Variants in MGAM observed in about 807,000 individuals in gnomAD.
MGAM encodes maltase-glucoamylase, also known as alpha-1,4-glucosidase.
A neutral mutation model predicts 358.8 loss-of-function variants in MGAM; 253 were observed. The ratio of observed to expected loss-of-function variants is 0.71; its 90% CI spans 0.64 to 0.78. The LOEUF (loss-of-function observed/expected upper bound fraction) is 0.78, where lower values mean the gene tolerates loss of function less well. MGAM is among the 30% of genes least tolerant of loss of function. The pLI, the probability that MGAM is intolerant of heterozygous loss-of-function variation, is 0.00. For missense variants in MGAM, 3,080 were observed against 3,432.6 expected, an observed-to-expected ratio of 0.90 and a Z score of 2.57; for synonymous variants, 1,105 against 1,227.1, an observed-to-expected ratio of 0.90 and a Z score of 2.08.
At chr7:142,047,743 C>T (rs1375392529) in intron 21 of MGAM, 42 bp from the exon 22 acceptor site, 5 of 1,564,150 alleles carry the variant, frequency 3.2e-6, no homozygotes, top group African/African-American at 1.4e-5. Flanking sequence ...TGGCAAAATT[C>T]TCTGACTCCT....
At chr7:142,087,523 C>A (rs865815804) in intron 57 of MGAM, among the ~76,000 whole-genome samples, 2 of 146,084 alleles carry the variant, frequency 1.4e-5, no homozygotes, top group Admixed American at 6.9e-5. Context: ...ATTCTTAGTG[C>A]GGGTCCAAGG....
chr7:142,070,551 AG>A (rs1408674990), intron 43 of MGAM, among the ~76,000 whole-genome samples: 1 of 146,158 alleles, frequency 6.8e-6, no homozygotes, highest in Non-Finnish European at 1.5e-5. Context: ...GCTGGGGGTG[AG>A]GAGGCTATGC....
rs1815915510 is a variant in MGAM at position 142,096,424 on chromosome 7, G to A, written c.7692+9G>A. ...GCCCTGTCCTGGAGCGTGTGAGTAT[G>A]GAGGCCTCCGATGAGGGGAGGATCC... is the stretch of plus-strand genomic sequence containing the variant. On this transcript the variant is annotated intron_variant, in intron 65 of 70. Transcript: ENST00000475668. 6.2e-7 allele frequency: 1 copy of A among 1,613,698 alleles called. No homozygotes were observed. The highest frequency in any genetic ancestry group is 8.5e-7 in the Non-Finnish European group (1 of 1,179,674).
At position 142,093,443 on chromosome 7, in the gene MGAM, C is replaced by T. The variant is rs1372163327; in HGVS notation, c.7065C>T (p.Ser2355=). 1 of 1,537,864 alleles carries T rather than the reference C, an allele frequency of 6.5e-7. No homozygotes were observed. The highest frequency in any genetic ancestry group is 2.3e-5 in the East Asian group (1 of 43,064). ...YLESRDRGLS[S]KTLCMESQQI... is the part of the protein sequence containing the mutation. ...AGTCCAGGGACAGGGGCCTGAGCAGCAAGACCCTGTGCATGGAGAGTCAGC... is the reference window on the plus strand; with the variant it reads ...AGTCCAGGGACAGGGGCCTGAGCAGTAAGACCCTGTGCATGGAGAGTCAGC... Residue 2355 remains serine, a synonymous_variant, in exon 60 of 71, where the codon AGC becomes AGT. Transcript: ENST00000475668.
rs187211728 is a variant in MGAM at position 142,106,025 on chromosome 7, A to G, written c.*134A>G. ...GAAATATTTCTGTTAATTTTGTTAT[A>G]TGTTTTTTGTGTGAACCCTAAAGGT... On this transcript the variant is annotated 3_prime_UTR_variant, in exon 71 of 71. Coordinates refer to ENST00000475668, the MANE Select transcript of MGAM (RefSeq NM_001365693.1). 1.4e-6 allele frequency: 1 copy of G among 739,432 alleles called. No homozygotes were observed. Among genetic ancestry groups the G allele is most frequent in the East Asian group, 2.8e-5 (1 of 35,136 alleles). The allele number at this position is 739,432 out of a possible 1,614,324, so 45.8% of individuals were successfully genotyped here.
At chr7:142,056,339 T>C (rs1811534245) in intron 29 of MGAM, among the ~76,000 whole-genome samples, 1 of 152,074 alleles carries the variant, frequency 6.6e-6, no homozygotes, top group Non-Finnish European at 1.5e-5. Context: ...ACCACATGGG[T>C]CCCAAATATC....
Position 142,019,253 on chromosome 7 carries a change from C to T in MGAM, c.382C>T (p.Pro128Ser), listed in dbSNP as rs1216348444. 1 of 1,613,502 alleles carries T rather than the reference C, an allele frequency of 6.2e-7. No individual in the cohort carries two copies. The highest frequency in any genetic ancestry group is 8.5e-7 in the Non-Finnish European group (1 of 1,179,682). ...CWNPQGAVSV[P>S]WCYYSKNHSY... ...GAATCCCCAGGGAGCTGTAAGTGTT[C>T]CCTGGTGCTACTATTCCAAGAATCA... The change falls in exon 4 of 71, where the codon CCC becomes TCC. Residue 128 changes from proline (P) to serine (S), a missense_variant. Coordinates refer to ENST00000475668, the MANE Select transcript of MGAM (RefSeq NM_001365693.1).
intron 1 of MGAM, among the ~76,000 whole-genome samples, chr7:141,997,017 TAAAACTTA>T (rs1482984348): frequency 6.6e-6 from 1 of 151,052 alleles, no homozygotes; most frequent in Non-Finnish European, 1.5e-5. Context: ...AAACTTAAAA[TAAAACTTA>T]AAAAAAGTTG....
chr7:142,068,804 C>A, intron 43 of MGAM, 101 bp downstream of exon 43: 1 of 1,026,890 alleles, frequency 9.7e-7, no homozygotes. Context: ...CTGTAACCCA[C>A]CTGCTGTGTG....
At chr7:142,061,491 A>G (rs899517980) in intron 34 of MGAM, among the ~76,000 whole-genome samples, 15 of 152,156 alleles carry the variant, frequency 9.9e-5, no homozygotes, top group East Asian at 9.7e-4. Flanking sequence ...CCAGACCCAT[A>G]TAGGCTGATC....
intron 22 of MGAM, 129 bp from the exon 23 acceptor site, chr7:142,050,106 A>T: frequency 1.3e-6 from 1 of 786,950 alleles, no homozygotes; most frequent in African/African-American, 1.7e-5. Flanking sequence ...ATTGAAAATT[A>T]TTCATCCATA....
intron 34 of MGAM, among the ~76,000 whole-genome samples, chr7:142,061,238 C>A (rs114976263): frequency 6.6e-6 from 1 of 152,098 alleles, no homozygotes; most frequent in East Asian, 1.9e-4. Context: ...ACGTGTACCC[C>A]GTATGGGATA....
Position 142,025,161 on chromosome 7 carries a change from T to G in MGAM, c.982+12T>G. ...CAGCAATGCCATGGGTAAAGGAATA[T>G]TCATGGAAAAAACAAGCACAAGAGT... is the stretch of plus-strand genomic sequence containing the variant. On this transcript the variant is annotated intron_variant, in intron 8 of 70. Coordinates refer to ENST00000475668, the MANE Select transcript of MGAM (RefSeq NM_001365693.1). 1 of 1,574,294 alleles carries G rather than the reference T, an allele frequency of 6.4e-7. No homozygotes were observed. Among genetic ancestry groups the G allele is most frequent in the Admixed American group, 1.7e-5 (1 of 59,738 alleles).
intron 3 of MGAM, among the ~76,000 whole-genome samples, chr7:142,014,889 T>C (rs1181507423): frequency 1.3e-5 from 2 of 152,150 alleles, no homozygotes; most frequent in Admixed American, 1.3e-4. Context: ...AAAAAGTTTT[T>C]CTTCAATATA....
intron 8 of MGAM, among the ~76,000 whole-genome samples, chr7:142,025,409 A>G (rs144705137): frequency 6.6e-6 from 1 of 151,980 alleles, no homozygotes; most frequent in Admixed American, 6.5e-5. Context: ...CAAGTTAAGG[A>G]GCTCACCCTT....
intron 49 of MGAM, among the ~76,000 whole-genome samples, chr7:142,080,131 C>T (rs1814122217): frequency 6.8e-6 from 1 of 146,602 alleles, no homozygotes; most frequent in South Asian, 2.2e-4. Flanking sequence ...TTGTATTTCT[C>T]CTGGGAGACC....
chr7:142,079,220 G>A (rs1381420509), intron 49 of MGAM, among the ~76,000 whole-genome samples: 2 of 145,836 alleles, frequency 1.4e-5, no homozygotes, highest in African/African-American at 2.4e-5. Context: ...TAGGAAAATG[G>A]TTGGGAGAGC....
At position 142,086,048 on chromosome 7, in the gene MGAM, C is replaced by T; in HGVS notation, c.6636+87C>T. 6 of 1,502,494 alleles carry T rather than the reference C, an allele frequency of 4.0e-6. 1 individual carries two copies. The highest frequency in any genetic ancestry group is 5.5e-6 in the Non-Finnish European group (6 of 1,096,030). 93.1% of individuals were successfully genotyped at this position (1,502,494 alleles called of 1,614,324 possible). A position where few individuals can be genotyped will look rare whatever the true frequency, so the allele number is the denominator to read the frequency against. ...AGTGTTATACTTTATTTCCATGTTG[C>T]AAGTAGATAAATTGAAGTGTAGTAA... On this transcript the variant is annotated intron_variant, in intron 55 of 70. Coordinates refer to ENST00000475668, the MANE Select transcript of MGAM (RefSeq NM_001365693.1).
At chr7:142,064,829 G>C (rs1385076892) in intron 37 of MGAM, among the ~76,000 whole-genome samples, 1 of 152,122 alleles carries the variant, frequency 6.6e-6, no homozygotes, top group Non-Finnish European at 1.5e-5. Flanking sequence ...AATAGCTTTA[G>C]TTACAGGAGG....
Sources: gnomAD v4.1 joint callset for allele counts (sites outside exome capture counted in the v4.1 genomes callset) on GRCh38, gnomAD v4.1.1 for gene constraint, MANE v1.5 for transcripts, NCBI Gene and HGNC (gene_info 2026-07-23, HGNC 2026-07-21) for gene names.